The following MAP2 variants were observed in gnomAD, a reference collection of about 807,000 sequenced individuals.
MAP2 encodes microtubule associated protein 2.
MAP2 carries 14 observed loss-of-function variants against 137.6 expected under a neutral mutation model. The observed-to-expected ratio is 0.10, with a 90% CI of 0.07 to 0.16. The LOEUF (loss-of-function observed/expected upper bound fraction) is 0.16. MAP2 is among the 10% of genes least tolerant of loss of function. The probability of loss-of-function intolerance (pLI) is 1.00; values close to 1 mark genes in which losing one functional copy is unlikely to be tolerated. For missense variants in MAP2, 2,088 were observed against 2,191.5 expected, an observed-to-expected ratio of 0.95 and a Z score of 0.94; for synonymous variants, 786 against 782.3, an observed-to-expected ratio of 1.00 and a Z score of -0.08.
chr2:209,615,506 T>C (rs2088915693), intron 3 of MAP2, among the ~76,000 whole-genome samples: 1 of 152,214 alleles, frequency 6.6e-6, no homozygotes, highest in South Asian at 2.1e-4. Flanking sequence ...AAAGAAAATA[T>C]CATTTAAAGA....
chr2:209,672,760 T>C (rs2049406228), intron 5 of MAP2, among the ~76,000 whole-genome samples: 1 of 151,930 alleles, frequency 6.6e-6, no homozygotes, highest in Non-Finnish European at 1.5e-5. Flanking sequence ...GAAATGAAAG[T>C]GCCTACTGTA....
Position 209,695,510 on chromosome 2 carries a change from G to C in MAP2, c.3340G>C (p.Val1114Leu). 6.2e-7 allele frequency: 1 copy of C among 1,614,120 alleles called. No homozygotes were observed. Among genetic ancestry groups the C allele is most frequent in the Non-Finnish European group, 8.5e-7 (1 of 1,180,014 alleles). ...KVSETEVKEK[V>L]AKPDLVHQEA... Reference sequence around the variant, plus strand: ...TAGTGAGACAGAAGTCAAAGAGAAGGTGGCCAAGCCTGACTTGGTGCACCA... The same window carrying C: ...TAGTGAGACAGAAGTCAAAGAGAAGCTGGCCAAGCCTGACTTGGTGCACCA... The change falls in exon 8 of 16, where the codon GTG (valine) becomes CTG (leucine). Residue 1114 changes from valine (V) to leucine (L), a missense_variant. Physicochemically the swap from Val to Leu is conservative, Grantham distance 32 (BLOSUM62 1). This residue lies in a region of MAP2 where 500 missense variants were observed against 482.9 expected (regional missense o/e 1.04). Transcript: ENST00000682079.
Position 209,680,822 on chromosome 2 carries a change from A to G in MAP2, c.449A>G (p.Glu150Gly). Residue 150 changes from glutamate to glycine, a missense_variant, in exon 7 of 16, where the codon GAG becomes GGG. Coordinates refer to ENST00000682079, the MANE Select transcript of MAP2 (RefSeq NM_001375505.1). ...SPASEQTVTVEEDLLTASKME... is the reference protein window; with the variant it reads ...SPASEQTVTVGEDLLTASKME... ...GCCTCAGAACAGACTGTCACAGTGG[A>G]GGAAGGTAAGGCCTATTGGACTTTT... 6.2e-7 allele frequency: 1 copy of G among 1,613,336 alleles called. No individual in the cohort carries two copies. The highest frequency in any genetic ancestry group is 8.5e-7 in the Non-Finnish European group (1 of 1,179,410).
At chr2:209,517,924 G>C (rs1315279136) in intron 2 of MAP2, among the ~76,000 whole-genome samples, 3 of 151,850 alleles carry the variant, frequency 2.0e-5, no homozygotes, top group Non-Finnish European at 4.4e-5. Flanking sequence ...ACACATTTTT[G>C]CCTGGTCCAG....
intron 5 of MAP2, among the ~76,000 whole-genome samples, chr2:209,675,632 T>G (rs1000029839): frequency 6.6e-6 from 1 of 151,906 alleles, no homozygotes; most frequent in African/African-American, 2.4e-5. Context: ...CTCTCCTTTT[T>G]TATTAGCTCT....
intron 1 of MAP2, among the ~76,000 whole-genome samples, chr2:209,497,136 C>G (rs899683317): frequency 6.6e-6 from 1 of 152,002 alleles, no homozygotes; most frequent in African/African-American, 2.4e-5. Flanking sequence ...GAGTTGTGCC[C>G]CACCCCATCC....
chr2:209,661,587 G>C, intron 5 of MAP2: 1 of 985,398 alleles, frequency 1.0e-6, no homozygotes, highest in Non-Finnish European at 1.2e-6. Context: ...AGAAAATGGG[G>C]ATCTTTTCAG....
intron 3 of MAP2, among the ~76,000 whole-genome samples, chr2:209,606,687 T>C (rs1454564129): frequency 6.6e-6 from 1 of 152,222 alleles, no homozygotes; most frequent in Non-Finnish European, 1.5e-5. Context: ...TTTGATGACA[T>C]TATTTTGAAT....
chr2:209,622,184 C>A (rs1334410896), intron 3 of MAP2, among the ~76,000 whole-genome samples: 3 of 152,174 alleles, frequency 2.0e-5, no homozygotes, highest in African/African-American at 7.2e-5. Flanking sequence ...AGAACTGTGG[C>A]TGAGTATACT....
intron 4 of MAP2, among the ~76,000 whole-genome samples, chr2:209,650,351 C>T (rs924317577): frequency 1.3e-5 from 2 of 152,118 alleles, no homozygotes; most frequent in Admixed American, 1.3e-4. Context: ...TATCCAGTAG[C>T]GTATCAAAAG....
intron 4 of MAP2, among the ~76,000 whole-genome samples, chr2:209,645,802 TA>T (rs2094385187): frequency 6.6e-6 from 1 of 152,168 alleles, no homozygotes; most frequent in South Asian, 2.1e-4. Flanking sequence ...GGACTTAGAA[TA>T]AAGTAAATAC....
At chr2:209,562,984 G>A (rs1396847258) in intron 2 of MAP2, among the ~76,000 whole-genome samples, 1 of 152,118 alleles carries the variant, frequency 6.6e-6, no homozygotes, top group Non-Finnish European at 1.5e-5. Context: ...ATATTCCATT[G>A]CTTCCTGGGT....
chr2:209,626,736 T>C (rs980638081), intron 4 of MAP2, among the ~76,000 whole-genome samples: 4 of 152,242 alleles, frequency 2.6e-5, no homozygotes, highest in Admixed American at 6.5e-5. Flanking sequence ...CAATATTATA[T>C]GTAGAGATTC....
chr2:209,491,426 A>T (rs1046752171), intron 1 of MAP2, among the ~76,000 whole-genome samples: 6 of 152,194 alleles, frequency 3.9e-5, no homozygotes, highest in African/African-American at 1.4e-4. Flanking sequence ...AGCTAGCAGA[A>T]GACAAGAAAT....
Position 209,481,047 on chromosome 2 carries a change from A to G in MAP2, c.-221-26545A>G, listed in dbSNP as rs146091094. Among the ~76,000 whole-genome samples, 929 of 152,306 alleles carry G rather than the reference A, an allele frequency of 6.1e-3. 4 individuals are homozygous for G. Among genetic ancestry groups the G allele is most frequent in the Non-Finnish European group, 8.4e-3 (570 of 68,028 alleles). ...TTACATGTAGTTAACTGAGAGGAAA[A>G]GAGACCATCTCCTGTACAGCCTTCA... On this transcript the variant is annotated intron_variant, in intron 1 of 15. Coordinates refer to ENST00000682079, the MANE Select transcript of MAP2 (RefSeq NM_001375505.1).
At position 209,445,936 on chromosome 2, in the gene MAP2, A is replaced by T. The variant is rs890374399; in HGVS notation, c.-222+21660A>T. On this transcript the variant is annotated intron_variant, in intron 1 of 15. Coordinates refer to ENST00000682079, the MANE Select transcript of MAP2 (RefSeq NM_001375505.1). ...TTTGACAATCAAAACCTAAGTACCTACACTTCCTGCCCATTATAGAATACC... is the reference window on the plus strand; with the variant it reads ...TTTGACAATCAAAACCTAAGTACCTTCACTTCCTGCCCATTATAGAATACC... 4.6e-5 allele frequency among the ~76,000 whole-genome samples: 7 copies of T among 151,722 alleles called. No individual in the cohort carries two copies. The Admixed American group carries it at 4.6e-4, about 10-fold the overall frequency.
chr2:209,718,121 T>C (rs2068517680), intron 13 of MAP2, among the ~76,000 whole-genome samples: 2 of 152,202 alleles, frequency 1.3e-5, no homozygotes, highest in Admixed American at 6.5e-5. Flanking sequence ...TTTGTAACTA[T>C]AAATCAAATG....
At chr2:209,674,921 G>A (rs549592200) in intron 5 of MAP2, among the ~76,000 whole-genome samples, 2 of 151,836 alleles carry the variant, frequency 1.3e-5, no homozygotes, top group South Asian at 2.1e-4. Flanking sequence ...AATGAGAGAA[G>A]CCCATCTCTT....
chr2:209,506,427 C>T (rs7586196), intron 1 of MAP2, among the ~76,000 whole-genome samples: 76,661 of 151,996 alleles, frequency 0.5, 21,159 homozygotes, highest in Middle Eastern at 0.62. Flanking sequence ...ACATTTCTAA[C>T]ATGTAGAAGA....
Sources: gnomAD v4.1 joint callset for allele counts (sites outside exome capture counted in the v4.1 genomes callset) on GRCh38, gnomAD v4.1.1 for gene constraint, gnomAD v4.1.1 regional missense constraint, MANE v1.5 for transcripts, NCBI Gene and HGNC (gene_info 2026-07-23, HGNC 2026-07-21) for gene names.